The following KIRREL3 variants were observed in gnomAD, a reference collection of about 807,000 sequenced individuals.
The protein encoded by KIRREL3 is kin of IRRE-like protein 3.
Under a neutral mutation model 89.7 loss-of-function variants are expected in KIRREL3, and 36 were observed. That is an observed-to-expected ratio of 0.40 (90% CI 0.31 to 0.53). KIRREL3 has a LOEUF of 0.53. Ranked by LOEUF, KIRREL3 falls within the 20% of genes least tolerant of loss-of-function variation. The pLI is 0.49. For synonymous variants in KIRREL3, 445 were observed against 441.4 expected, an observed-to-expected ratio of 1.01 and a Z score of -0.10; for missense variants, 864 against 1,056.6, an observed-to-expected ratio of 0.82 and a Z score of 2.53.
intron 1 of KIRREL3, among the ~76,000 whole-genome samples, chr11:126,866,710 C>T (rs1221247841): frequency 6.6e-6 from 1 of 151,984 alleles, no homozygotes; most frequent in Non-Finnish European, 1.5e-5. Context: ...GAGGAATACA[C>T]CAGCAGAAGG....
chr11:126,718,394 C>A lies in KIRREL3; in HGVS notation c.56-155482G>T, dbSNP rs1477449952. On this transcript the variant is annotated intron_variant, in intron 1 of 16. Coordinates refer to ENST00000525144, the MANE Select transcript of KIRREL3 (RefSeq NM_032531.4). ...AGGCTGCACGGAAATGAAAAATTGC[C>A]ATAGAAAGATGACTCACCAAATCAC... 3.3e-5 allele frequency among the ~76,000 whole-genome samples: 5 copies of A among 152,226 alleles called. No individual in the cohort carries two copies. In the East Asian group the frequency reaches 9.6e-4, roughly 29 times the overall value.
At chr11:126,444,917 C>T in intron 10 of KIRREL3, 62 bp downstream of exon 10, 2 of 1,602,006 alleles carry the variant, frequency 1.2e-6, no homozygotes. Flanking sequence ...ATGCCTGGTG[C>T]CAAGATGCCT....
At chr11:126,469,623 C>T (rs571674063) in intron 5 of KIRREL3, among the ~76,000 whole-genome samples, 222 of 152,348 alleles carry the variant, frequency 1.5e-3, no homozygotes, top group Non-Finnish European at 2.6e-3. Context: ...GCTCCACTGA[C>T]GTGTGCGGGC....
At chr11:126,975,109 CT>C (rs1254187145) in intron 1 of KIRREL3, among the ~76,000 whole-genome samples, 1 of 152,040 alleles carries the variant, frequency 6.6e-6, no homozygotes, top group African/African-American at 2.4e-5. Context: ...TGCGCCTGGC[CT>C]CAAAACACTA....
chr11:126,598,105 G>A (rs1942485520), intron 1 of KIRREL3, among the ~76,000 whole-genome samples: 1 of 152,238 alleles, frequency 6.6e-6, no homozygotes, highest in African/African-American at 2.4e-5. Flanking sequence ...TGGAGTTCTT[G>A]GCTCACGCCA....
rs966074896 is a variant in KIRREL3, at chr11:126,985,445, G to C, written c.55+15010C>G. Reference sequence around the variant, plus strand: ...TAAATCATAGTAAGAGCCACAAAAGGCTTCCTGGGGCGCTGTGGAATAAGG... The same window carrying C: ...TAAATCATAGTAAGAGCCACAAAAGCCTTCCTGGGGCGCTGTGGAATAAGG... On this transcript the variant is annotated intron_variant, in intron 1 of 16. Transcript: ENST00000525144. This position sits in a 1 kb window ranked among gnomAD's most constrained non-coding sequence, Gnocchi z 5.3. 6.6e-6 allele frequency among the ~76,000 whole-genome samples: 1 copy of C among 152,164 alleles called. No homozygotes were observed. The highest frequency in any genetic ancestry group is 2.4e-5 in the African/African-American group (1 of 41,428).
chr11:126,722,299 G>A (rs888804520), intron 1 of KIRREL3, among the ~76,000 whole-genome samples: 3 of 152,194 alleles, frequency 2.0e-5, no homozygotes, highest in African/African-American at 4.8e-5. Context: ...CCATCTGCAT[G>A]GTTCACTCCC....
At chr11:126,850,606 C>G (rs1478738088) in intron 1 of KIRREL3, among the ~76,000 whole-genome samples, 2 of 152,200 alleles carry the variant, frequency 1.3e-5, no homozygotes, top group African/African-American at 4.8e-5. Flanking sequence ...ATCATAAAAA[C>G]CACTAAGGGT....
At chr11:126,758,107 A>G (rs1949562890) in intron 1 of KIRREL3, among the ~76,000 whole-genome samples, 1 of 152,218 alleles carries the variant, frequency 6.6e-6, no homozygotes, top group South Asian at 2.1e-4. Context: ...CTGTGACGTT[A>G]CTTAGTTGAG....
intron 1 of KIRREL3, among the ~76,000 whole-genome samples, chr11:126,826,761 A>T (rs1329934395): frequency 6.6e-6 from 1 of 152,302 alleles, no homozygotes; most frequent in East Asian, 1.9e-4. Context: ...ACCTCTAAGA[A>T]TGTAGCTGTG....
chr11:126,875,573 G>A (rs1945254850), intron 1 of KIRREL3, among the ~76,000 whole-genome samples: 1 of 152,122 alleles, frequency 6.6e-6, no homozygotes, highest in East Asian at 1.9e-4. Context: ...AGAGGAGTCT[G>A]GCTTTTATCA....
At position 126,761,911 on chromosome 11, in the gene KIRREL3, G is replaced by A. The variant is rs2134270740; in HGVS notation, c.56-198999C>T. On this transcript the variant is annotated intron_variant, in intron 1 of 16. Coordinates refer to ENST00000525144, the MANE Select transcript of KIRREL3 (RefSeq NM_032531.4). The surrounding 1 kb of genome is among the most constrained non-coding windows in gnomAD (Gnocchi z 4.4). ...AATATAGTTTGGGCTGGGTGAGGTG[G>A]CTCAAGCCTGTAATCCCAACACTTT... Among the ~76,000 whole-genome samples the A allele has an allele frequency of 6.6e-6, 1 of 152,278 alleles. No individual in the cohort carries two copies. Among genetic ancestry groups the A allele is most frequent in the East Asian group, 1.9e-4 (1 of 5,180 alleles).
chr11:126,702,768 C>A (rs1003377890), intron 1 of KIRREL3, among the ~76,000 whole-genome samples: 1 of 152,130 alleles, frequency 6.6e-6, no homozygotes, highest in African/African-American at 2.4e-5. Context: ...TAAATGTGCA[C>A]CCTAGGAGGT....
At chr11:126,825,777 T>A (rs1943385153) in intron 1 of KIRREL3, among the ~76,000 whole-genome samples, 1 of 152,174 alleles carries the variant, frequency 6.6e-6, no homozygotes. Context: ...CCCAGTGAGG[T>A]AGGTACTTCC....
rs924551802 is a variant in KIRREL3 at position 126,990,890 on chromosome 11, T to C, written c.55+9565A>G. Among the ~76,000 whole-genome samples the C allele has an allele frequency of 4.6e-5, 7 of 152,110 alleles. No homozygotes were observed. Among genetic ancestry groups the C allele is most frequent in the African/African-American group, 1.7e-4 (7 of 41,432 alleles). ...TGAGGCAGGGAAGGGTGGGAATCAC[T>C]CCTCCTGCCACTCCCGGATGAACGT... On this transcript the variant is annotated intron_variant, in intron 1 of 16. Coordinates refer to ENST00000525144, the MANE Select transcript of KIRREL3 (RefSeq NM_032531.4). The surrounding 1 kb of genome is among the most constrained non-coding windows in gnomAD (Gnocchi z 6.3).
In KIRREL3 at chr11:126,896,147, A is replaced by G. The variant is rs946980820; in HGVS notation, c.55+104308T>C. On this transcript the variant is annotated intron_variant, in intron 1 of 16. Coordinates refer to ENST00000525144, the MANE Select transcript of KIRREL3 (RefSeq NM_032531.4). The surrounding 1 kb of genome is among the most constrained non-coding windows in gnomAD (Gnocchi z 4.1). ...AGAGCACATGTATAGCTTATAGCAA[A>G]TAAAAAGCTGGACCTGTTAAAGGCA... is the stretch of plus-strand genomic sequence containing the variant. Among the ~76,000 whole-genome samples, 11 of 152,218 alleles carry G rather than the reference A, an allele frequency of 7.2e-5. No homozygotes were observed. Among genetic ancestry groups the G allele is most frequent in the African/African-American group, 2.7e-4 (11 of 41,456 alleles).
At chr11:126,445,986 T>C (rs895623917) in intron 9 of KIRREL3, among the ~76,000 whole-genome samples, 2 of 152,046 alleles carry the variant, frequency 1.3e-5, no homozygotes, top group Non-Finnish European at 2.9e-5. Flanking sequence ...CTGTCTCTAC[T>C]AAAAATACAA....
chr11:126,457,555 G>A (rs938887233), intron 6 of KIRREL3, among the ~76,000 whole-genome samples: 2 of 144,658 alleles, frequency 1.4e-5, no homozygotes, highest in African/African-American at 5.2e-5. Context: ...AGACAAAGAT[G>A]AGGAAGTGAC....
intron 7 of KIRREL3, among the ~76,000 whole-genome samples, chr11:126,456,047 T>TCG: frequency 8.2e-6 from 1 of 121,342 alleles, no homozygotes; most frequent in South Asian, 2.7e-4. Context: ...TCGTTTTTTT[T>TCG]TTTTTTTTTT....
Sources: allele counts gnomAD v4.1 joint callset (sites outside exome capture counted in the v4.1 genomes callset), GRCh38; gene constraint gnomAD v4.1.1; non-coding constraint Gnocchi (gnomAD v3.1); transcripts MANE v1.5; gene names NCBI Gene and HGNC (gene_info 2026-07-23, HGNC 2026-07-21).